The following SLC39A9 variants were observed in gnomAD, a reference collection of about 807,000 sequenced individuals.
The protein encoded by SLC39A9 is solute carrier family 39 member 9, also known as zinc transporter ZIP9.
In SLC39A9, 14 loss-of-function variants were observed where a neutral mutation model predicts 28.4. The ratio of observed to expected loss-of-function variants is 0.49; its 90% confidence interval spans 0.33 to 0.77. SLC39A9 has a LOEUF of 0.77. Ranked by LOEUF, SLC39A9 falls within the 30% of genes least tolerant of loss-of-function variation. The probability of loss-of-function intolerance (pLI) is 0.02; values close to 1 mark genes in which losing one functional copy is unlikely to be tolerated. For missense variants in SLC39A9, 283 were observed against 381.1 expected, an observed-to-expected ratio of 0.74 and a Z score of 2.14; for synonymous variants, 119 against 149.6, an observed-to-expected ratio of 0.80 and a Z score of 1.49.
At chr14:69,448,003 A>G (rs986787117) in intron 3 of SLC39A9, among the ~76,000 whole-genome samples, 15 of 151,704 alleles carry the variant, frequency 9.9e-5, no homozygotes, top group Non-Finnish European at 2.1e-4. Flanking sequence ...TCACAAGGCC[A>G]GGAGATCGAG....
intron 3 of SLC39A9, among the ~76,000 whole-genome samples, chr14:69,451,079 T>G (rs1440733742): frequency 2.0e-5 from 3 of 152,214 alleles, no homozygotes; most frequent in African/African-American, 7.2e-5. Flanking sequence ...GATAAGCCTT[T>G]GTATAAAAAA....
intron 1 of SLC39A9, among the ~76,000 whole-genome samples, chr14:69,421,575 C>T (rs1016168633): frequency 2.6e-5 from 4 of 152,208 alleles, no homozygotes; most frequent in East Asian, 3.9e-4. Flanking sequence ...GAAGTTTCTG[C>T]TGCCTTTTAT....
Position 69,399,269 on chromosome 14 carries a change from ACT to A in SLC39A9, c.-96_-95del, listed in dbSNP as rs1882486418. On this transcript the variant is annotated 5_prime_UTR_variant, in exon 1 of 7. Coordinates refer to ENST00000336643, the MANE Select transcript of SLC39A9 (RefSeq NM_018375.5). ...GAAGGCCTAAAGAACTGGAAAGCCC[ACT>A]CTCTTGGAACCACCACACCTGTTTA... The A allele has an allele frequency of 3.0e-6, 3 of 1,003,308 alleles. No homozygotes were observed. The highest frequency in any genetic ancestry group is 2.6e-5 in the East Asian group (1 of 38,516). 62.2% of individuals were successfully genotyped at this position (1,003,308 alleles called of 1,614,324 possible).
At chr14:69,399,510 G>T in intron 1 of SLC39A9, 45 bp downstream of exon 1, 1 of 1,534,388 alleles carries the variant, frequency 6.5e-7, no homozygotes, top group Non-Finnish European at 9.0e-7. Flanking sequence ...ATGGCTGTGA[G>T]ATAGTAGTTT....
intron 2 of SLC39A9, among the ~76,000 whole-genome samples, chr14:69,434,087 T>TTTC (rs1222540240): frequency 2.7e-4 from 40 of 148,272 alleles, no homozygotes; most frequent in African/African-American, 9.8e-4. Context: ...TCTTTTCTTT[T>TTTC]TTTTTTTTTT....
chr14:69,400,993 AAAG>A (rs955935936), intron 1 of SLC39A9, among the ~76,000 whole-genome samples: 8 of 152,016 alleles, frequency 5.3e-5, no homozygotes, highest in African/African-American at 1.7e-4. Context: ...AAAAAAAAAA[AAAG>A]AAAATAAAAA....
chr14:69,459,289 G>A lies in SLC39A9; in HGVS notation c.*696G>A. 1 of 985,460 alleles carries A rather than the reference G, an allele frequency of 1.0e-6. No homozygotes were observed. The highest frequency in any genetic ancestry group is 1.2e-6 in the Non-Finnish European group (1 of 829,940). The allele number at this position is 985,460 out of a possible 1,614,324, so 61.0% of individuals were successfully genotyped here. A position where few individuals can be genotyped will look rare whatever the true frequency, so the allele number is the denominator to read the frequency against. ...CATTCCATCAAATGGAGCAGGAGAG[G>A]TGGGAGGAGCTTCTAAAGAGGTGAC... is the stretch of plus-strand genomic sequence containing the variant. On this transcript the variant is annotated 3_prime_UTR_variant, in exon 7 of 7. Transcript: ENST00000336643.
intron 2 of SLC39A9, among the ~76,000 whole-genome samples, chr14:69,437,459 G>C (rs962477397): frequency 6.6e-6 from 1 of 152,206 alleles, no homozygotes; most frequent in South Asian, 2.1e-4. Flanking sequence ...GGTGTGTTTT[G>C]TCCAGTTTTT....
At position 69,458,593 on chromosome 14, in the gene SLC39A9, A is replaced by G; in HGVS notation, c.924A>G (p.Ter308=). The G allele has an allele frequency of 6.2e-7, 1 of 1,608,036 alleles. No homozygotes were observed. The highest frequency in any genetic ancestry group is 8.5e-7 in the Non-Finnish European group (1 of 1,175,960). ...PLILSVGHQH[*] Reference sequence around the variant, plus strand: ...TCCTGTCAGTAGGACACCAGCATTAAATGTTCAAGGTCCAGCCTTGGTCCA... The same window carrying G: ...TCCTGTCAGTAGGACACCAGCATTAGATGTTCAAGGTCCAGCCTTGGTCCA... Residue 308 remains the stop codon, a stop_retained_variant, in exon 7 of 7, where the codon TAA becomes TAG. Transcript: ENST00000336643.
At chr14:69,437,194 C>A (rs1884807941) in intron 2 of SLC39A9, among the ~76,000 whole-genome samples, 1 of 152,022 alleles carries the variant, frequency 6.6e-6, no homozygotes, top group Admixed American at 6.6e-5. Flanking sequence ...TTTGCTCTGG[C>A]CAGAAAGATG....
intron 2 of SLC39A9, among the ~76,000 whole-genome samples, chr14:69,434,075 TTTC>T (rs1302775823): frequency 7.2e-6 from 1 of 139,796 alleles, no homozygotes; most frequent in East Asian, 2.1e-4. Flanking sequence ...ATGTAATTCT[TTTC>T]TTTTCTTTTT....
intron 2 of SLC39A9, among the ~76,000 whole-genome samples, chr14:69,437,489 T>C (rs1251953614): frequency 6.6e-6 from 1 of 152,234 alleles, no homozygotes; most frequent in Non-Finnish European, 1.5e-5. Context: ...AGTGGGTGAT[T>C]GACGTCAAAA....
intron 2 of SLC39A9, among the ~76,000 whole-genome samples, chr14:69,431,376 A>G (rs1266838522): frequency 6.6e-6 from 1 of 150,608 alleles, no homozygotes; most frequent in Non-Finnish European, 1.5e-5. Flanking sequence ...GTGAATAGGG[A>G]CAGCTTAACC....
At chr14:69,412,367 C>G (rs577516117) in intron 1 of SLC39A9, among the ~76,000 whole-genome samples, 1 of 149,854 alleles carries the variant, frequency 6.7e-6, no homozygotes, top group Admixed American at 6.7e-5. Flanking sequence ...CCAGCCTGGG[C>G]GACAGAGCAA....
intron 5 of SLC39A9, among the ~76,000 whole-genome samples, chr14:69,455,098 T>G (rs1885796314): frequency 6.6e-6 from 1 of 152,182 alleles, no homozygotes; most frequent in Non-Finnish European, 1.5e-5. Flanking sequence ...AATTTTTTTG[T>G]GTAGACATAT....
intron 3 of SLC39A9, among the ~76,000 whole-genome samples, chr14:69,449,903 G>T (rs1251817591): frequency 5.3e-5 from 8 of 151,788 alleles, no homozygotes; most frequent in Non-Finnish European, 1.2e-4. Flanking sequence ...AAGAAAGGAA[G>T]GGGGCTGGGC....
At chr14:69,401,153 T>C (rs1440428232) in intron 1 of SLC39A9, among the ~76,000 whole-genome samples, 1 of 152,192 alleles carries the variant, frequency 6.6e-6, no homozygotes, top group Non-Finnish European at 1.5e-5. Context: ...ATGGTACATA[T>C]ACATGGTAGC....
intron 2 of SLC39A9, among the ~76,000 whole-genome samples, chr14:69,433,416 T>C (rs541579041): frequency 6.6e-6 from 1 of 152,340 alleles, no homozygotes; most frequent in African/African-American, 2.4e-5. Context: ...ACAACATCTA[T>C]GTATGGTTTT....
Position 69,403,570 on chromosome 14 carries a change from G to GA in SLC39A9, c.96+4112dup, listed in dbSNP as rs552238259. The stretch of plus-strand genomic sequence containing the variant: ...AAATGAAATAGTAGGAAAATGAAGT[G>GA]AAAAAAAGACATAGAAAATACAAGC... On this transcript the variant is annotated intron_variant, in intron 1 of 6. Coordinates refer to ENST00000336643, the MANE Select transcript of SLC39A9 (RefSeq NM_018375.5). Among the ~76,000 whole-genome samples, 463 of 151,896 alleles carry GA rather than the reference G, an allele frequency of 3.0e-3. 4 individuals carry two copies. The highest frequency in any genetic ancestry group is 0.011 in the African/African-American group (451 of 41,438).
Sources: allele counts gnomAD v4.1 joint callset (sites outside exome capture counted in the v4.1 genomes callset), GRCh38; gene constraint gnomAD v4.1.1; transcripts MANE v1.5; gene names NCBI Gene and HGNC (gene_info 2026-07-23, HGNC 2026-07-21).